Variants in CTCFL observed in about 807,000 individuals in gnomAD.
CTCFL encodes transcriptional repressor CTCFL.
Under a neutral mutation model 67.4 loss-of-function variants are expected in CTCFL, and 36 were observed. The observed-to-expected ratio is 0.53, with a 90% CI of 0.41 to 0.71. The LOEUF (loss-of-function observed/expected upper bound fraction) is 0.71. Ranked by LOEUF, CTCFL falls within the 30% of genes least tolerant of loss-of-function variation. The pLI is 0.00. For missense variants in CTCFL, 786 were observed against 835.2 expected (o/e 0.94, Z 0.73); for synonymous variants, 324 against 302.3 (o/e 1.07, Z -0.75).
intron 1 of CTCFL, chr20:57,524,559 C>A: frequency 9.4e-7 from 1 of 1,063,726 alleles, no homozygotes; most frequent in Non-Finnish European, 1.1e-6. Context: ...AAGGTTAGGC[C>A]TGAGCCGGTT....
intron 9 of CTCFL, among the ~76,000 whole-genome samples, chr20:57,508,311 T>C (rs905796531): frequency 1.3e-5 from 2 of 152,134 alleles, no homozygotes; most frequent in African/African-American, 4.8e-5. Flanking sequence ...TTTGAAAATA[T>C]TACACTAAAA....
In CTCFL at chr20:57,515,702, C is replaced by T. The variant is rs1237930065; in HGVS notation, c.1180+12G>A. The T allele has an allele frequency of 6.2e-7, 1 of 1,614,166 alleles. No individual in the cohort carries two copies. The highest frequency in any genetic ancestry group is 2.2e-5 in the East Asian group (1 of 44,890). On this transcript the variant is annotated intron_variant, in intron 6 of 10. Transcript: ENST00000243914. ...ACTGTAGGTATCAGGCCTTCAGCACCAGAGCCCTTACCTGAGTGCGTTCTC... is the reference window on the plus strand; with the variant it reads ...ACTGTAGGTATCAGGCCTTCAGCACTAGAGCCCTTACCTGAGTGCGTTCTC...
At chr20:57,524,723 T>G in intron 1 of CTCFL, 1 of 997,602 alleles carries the variant, frequency 1.0e-6, no homozygotes, top group Non-Finnish European at 1.2e-6. Context: ...GGCATTCCCC[T>G]CGTGCACGGT....
rs371223937 is a variant in CTCFL at position 57,511,541 on chromosome 20, A to G, written c.1491+1051T>C. On this transcript the variant is annotated intron_variant, in intron 8 of 10. Coordinates refer to ENST00000243914, the MANE Select transcript of CTCFL (RefSeq NM_001386993.1). The stretch of plus-strand genomic sequence containing the variant: ...TTATGCAGATCTTCTAAATGCTGAC[A>G]TATTTCATCACACAATATAAAAGTT... Among the ~76,000 whole-genome samples the G allele has an allele frequency of 1.3e-3, 204 of 152,028 alleles. 2 individuals are homozygous for G. The highest frequency in any genetic ancestry group is 4.8e-3 in the African/African-American group (199 of 41,456).
At chr20:57,518,472 G>A (rs2069092202) in intron 5 of CTCFL, 1 of 1,364,860 alleles carries the variant, frequency 7.3e-7, no homozygotes. Context: ...ATAAAATGCA[G>A]AACTTTTAAA....
In CTCFL at chr20:57,524,614, G is replaced by T. The variant is rs564455663; in HGVS notation, c.-11-398C>A. 366 of 1,024,368 alleles carry T rather than the reference G, an allele frequency of 3.6e-4. 2 individuals are homozygous for T. In the Middle Eastern group the frequency reaches 7.8e-3, roughly 22 times the overall value. The allele number at this position is 1,024,368 out of a possible 1,614,324, so 63.5% of individuals were successfully genotyped here. A position where few individuals can be genotyped will look rare whatever the true frequency, so the allele number is the denominator to read the frequency against. On this transcript the variant is annotated intron_variant, in intron 1 of 10. Coordinates refer to ENST00000243914, the MANE Select transcript of CTCFL (RefSeq NM_001386993.1). Reference sequence around the variant, plus strand: ...GCCTAGTAAGGTTTGGGCCCAGCAGGCTCTCGGCCAGTGCATATCCTGGGC... The same window carrying T: ...GCCTAGTAAGGTTTGGGCCCAGCAGTCTCTCGGCCAGTGCATATCCTGGGC...
rs745395497 is a variant in CTCFL at position 57,508,639 on chromosome 20, T to C, written c.1641A>G (p.Lys547=). The change falls in exon 9 of 11, where the codon AAA becomes AAG. Residue 547 remains lysine, a synonymous_variant. Coordinates refer to ENST00000243914, the MANE Select transcript of CTCFL (RefSeq NM_001386993.1). ...AAAAGCCTTTGCCACACTTGGAGCA[T>C]TTGTAAACAGTCGGGATGAAATTTG... is the stretch of plus-strand genomic sequence containing the variant. The part of the protein sequence containing the change: ...HDANFIPTVY[K]CSKCGKGFSR... 3.1e-6 allele frequency: 5 copies of C among 1,614,188 alleles called. No homozygotes were observed. The South Asian group carries it at 4.4e-5, about 14-fold the overall frequency.
intron 10 of CTCFL, chr20:57,499,870 A>G (rs2067828559): frequency 1.4e-6 from 1 of 696,122 alleles, no homozygotes; most frequent in Non-Finnish European, 1.8e-6. Context: ...AGCGGCTGTC[A>G]ATACAAAGCT....
intron 10 of CTCFL, chr20:57,499,880 TTCA>T: frequency 1.3e-6 from 1 of 799,208 alleles, no homozygotes; most frequent in Non-Finnish European, 1.5e-6. Flanking sequence ...AATACAAAGC[TTCA>T]CTCCCTCACC....
intron 9 of CTCFL, among the ~76,000 whole-genome samples, chr20:57,505,046 T>C (rs1374745252): frequency 6.6e-6 from 1 of 151,722 alleles, no homozygotes; most frequent in Non-Finnish European, 1.5e-5. Context: ...ATAACAAGAG[T>C]CGGCTTCCCC....
chr20:57,514,536 A>G lies in CTCFL; in HGVS notation c.1330+56T>C, dbSNP rs2068775102. On this transcript the variant is annotated intron_variant, in intron 7 of 10. Transcript: ENST00000243914. The stretch of plus-strand genomic sequence containing the variant: ...CAGTACTTTGCAGGTTTATAGGACC[A>G]CGCTCCAAAGAGCCAGCAAATGCTG... 1.9e-6 allele frequency: 3 copies of G among 1,594,986 alleles called. No individual in the cohort carries two copies. The Admixed American group carries it at 5.1e-5, about 27-fold the overall frequency.
At chr20:57,510,549 G>T (rs2068482386) in intron 8 of CTCFL, among the ~76,000 whole-genome samples, 2 of 152,266 alleles carry the variant, frequency 1.3e-5, no homozygotes, top group South Asian at 4.1e-4. Context: ...ATTTTTATTT[G>T]CTAAGTCTGA....
intron 4 of CTCFL, 143 bp from the exon 5 acceptor site, chr20:57,519,034 G>A (rs1323293468): frequency 9.3e-6 from 11 of 1,177,828 alleles, no homozygotes; most frequent in Non-Finnish European, 1.3e-5. Flanking sequence ...TACCACAGAT[G>A]CATGTGAGAA....
rs776120047 is a variant in CTCFL at position 57,524,114 on chromosome 20, T to C, written c.92A>G (p.Glu31Gly). 9 of 1,613,762 alleles carry C rather than the reference T, an allele frequency of 5.6e-6. No individual in the cohort carries two copies. The South Asian group carries it at 8.8e-5, about 16-fold the overall frequency. ...LMPEKGLKEE[E>G]KDGVCREKDH... ...TTTCTCTCTGCACACTCCGTCTTTT[T>C]CCTCCTCCTTCAGGCCTTTTTCCGG... The change falls in exon 2 of 11, where the codon GAA becomes GGA. Residue 31 changes from glutamate to glycine, a missense_variant. Physicochemically the swap from Glu to Gly is moderately conservative, Grantham distance 98. Coordinates refer to ENST00000243914, the MANE Select transcript of CTCFL (RefSeq NM_001386993.1).
rs1355901010 is a variant in CTCFL at position 57,524,023 on chromosome 20, C to T, written c.183G>A (p.Leu61=). The T allele has an allele frequency of 8.7e-6, 14 of 1,613,288 alleles. 1 individual carries two copies. Among genetic ancestry groups the T allele is most frequent in the East Asian group, 2.2e-5 (1 of 44,892 alleles). The part of the protein sequence containing the change: ...RTSGAFQDSV[L]EEEVELVLAP... Reference sequence around the variant, plus strand: ...CCAGCACCAGCTCCACTTCTTCCTCCAGGACGCTGTCCTGGAAGGCCCCAG... The same window carrying T: ...CCAGCACCAGCTCCACTTCTTCCTCTAGGACGCTGTCCTGGAAGGCCCCAG... The change falls in exon 2 of 11, where the codon CTG becomes CTA. Residue 61 remains leucine (L), a synonymous_variant. Coordinates refer to ENST00000243914, the MANE Select transcript of CTCFL (RefSeq NM_001386993.1).
rs150803935 is a variant in CTCFL at position 57,524,106 on chromosome 20, C to T, written c.100G>A (p.Gly34Arg). ...CGATGGTCTTTCTCTCTGCACACTC[C>T]GTCTTTTTCCTCCTCCTTCAGGCCT... Reference protein sequence around the residue: ...EKGLKEEEKDGVCREKDHRSP... With the variant: ...EKGLKEEEKDRVCREKDHRSP... Residue 34 changes from glycine (G) to arginine (R), a missense_variant, in exon 2 of 11, where the codon GGA (glycine) becomes AGA (arginine). This residue lies in a region of CTCFL where 333 missense variants were observed against 304.6 expected (regional missense o/e 1.09). Transcript: ENST00000243914. The T allele has an allele frequency of 3.6e-5, 58 of 1,613,658 alleles. No individual in the cohort carries two copies. The highest frequency in any genetic ancestry group is 1.3e-4 in the South Asian group (12 of 91,082).
chr20:57,515,863 C>T, intron 5 of CTCFL, 29 bp from the exon 6 acceptor site: 1 of 1,582,452 alleles, frequency 6.3e-7, no homozygotes, highest in Non-Finnish European at 8.6e-7. Context: ...ATGTTCGTTG[C>T]AATAGAAACT....
intron 10 of CTCFL, chr20:57,499,820 G>A (rs1168262954): frequency 2.0e-5 from 5 of 249,354 alleles, no homozygotes; most frequent in African/African-American, 9.3e-5. Flanking sequence ...CCGCTGATCT[G>A]ACAGGAGGCG....
At chr20:57,499,093 G>GGGGGC (rs2067794902) in intron 10 of CTCFL, among the ~76,000 whole-genome samples, 9 of 128,526 alleles carry the variant, frequency 7.0e-5, no homozygotes, top group Admixed American at 1.5e-4. Context: ...GTGGGGGGGG[G>GGGGGC]ACACAGTCAT....
Sources: allele counts gnomAD v4.1 joint callset (sites outside exome capture counted in the v4.1 genomes callset), GRCh38; gene constraint gnomAD v4.1.1; regional missense constraint gnomAD v4.1.1; transcripts MANE v1.5; gene names NCBI Gene and HGNC (gene_info 2026-07-23, HGNC 2026-07-21).